The following ZNF451 variants were observed in gnomAD, a reference collection of about 807,000 sequenced individuals.
The protein encoded by ZNF451 is zinc finger protein 451.
A neutral mutation model predicts 107.1 loss-of-function variants in ZNF451; 80 were observed. That is an observed-to-expected ratio of 0.75 (90% CI 0.62 to 0.90). ZNF451 has a LOEUF of 0.90. Ranked by LOEUF, ZNF451 falls within the 40% of genes least tolerant of loss-of-function variation. The pLI, the probability that ZNF451 is intolerant of heterozygous loss-of-function variation, is 0.00. For missense variants in ZNF451, 1,107 were observed against 1,236.2 expected, an observed-to-expected ratio of 0.90 and a Z score of 1.57; for synonymous variants, 362 against 406.5, an observed-to-expected ratio of 0.89 and a Z score of 1.32.
At chr6:57,093,996 G>A (rs1397032953) in intron 2 of ZNF451, among the ~76,000 whole-genome samples, 1 of 152,186 alleles carries the variant, frequency 6.6e-6, no homozygotes, top group Non-Finnish European at 1.5e-5. Context: ...TAGGGTTTCA[G>A]ATTTATGCTC....
At chr6:57,144,177 T>C (rs1015627356) in intron 9 of ZNF451, among the ~76,000 whole-genome samples, 14 of 152,030 alleles carry the variant, frequency 9.2e-5, no homozygotes, top group Non-Finnish European at 1.3e-4. Context: ...GAAAAATAGT[T>C]GAAATTATAT....
At chr6:57,104,922 G>A in intron 3 of ZNF451, 5 of 985,280 alleles carry the variant, frequency 5.1e-6, no homozygotes, top group Non-Finnish European at 6.0e-6. Context: ...ATAGGGATGG[G>A]GACAGAATGC....
intron 2 of ZNF451, among the ~76,000 whole-genome samples, chr6:57,094,142 A>G (rs1380293095): frequency 6.6e-6 from 1 of 152,212 alleles, no homozygotes; most frequent in Non-Finnish European, 1.5e-5. Context: ...CAGTTTTCTC[A>G]TAACAGGAAT....
At chr6:57,102,007 T>TC in intron 3 of ZNF451, 1 of 1,550,454 alleles carries the variant, frequency 6.4e-7, no homozygotes, top group Non-Finnish European at 8.7e-7. Flanking sequence ...TAGAGGATAC[T>TC]CCAAAGGGGA....
chr6:57,137,480 A>C (rs1194029489), intron 7 of ZNF451, among the ~76,000 whole-genome samples: 1 of 152,156 alleles, frequency 6.6e-6, no homozygotes, highest in African/African-American at 2.4e-5. Flanking sequence ...CCTTAGATTC[A>C]TATTTCTAAC....
intron 9 of ZNF451, among the ~76,000 whole-genome samples, chr6:57,146,685 T>C (rs1402722558): frequency 6.6e-6 from 1 of 152,104 alleles, no homozygotes; most frequent in Admixed American, 6.6e-5. Context: ...GTATCAACAT[T>C]AATCAGTTAT....
At chr6:57,137,605 C>T (rs944907960) in intron 7 of ZNF451, among the ~76,000 whole-genome samples, 7 of 152,134 alleles carry the variant, frequency 4.6e-5, no homozygotes, top group African/African-American at 1.4e-4. Flanking sequence ...CCAGATAGCA[C>T]CCTGCTTTTC....
At chr6:57,166,708 T>G (rs990920870) in intron 14 of ZNF451, among the ~76,000 whole-genome samples, 3 of 152,252 alleles carry the variant, frequency 2.0e-5, no homozygotes, top group Non-Finnish European at 2.9e-5. Flanking sequence ...TCAAGTGTTA[T>G]GTACTGTACA....
At chr6:57,139,839 T>TA (rs1183165130) in intron 7 of ZNF451, among the ~76,000 whole-genome samples, 5 of 152,012 alleles carry the variant, frequency 3.3e-5, no homozygotes, top group Admixed American at 3.3e-4. Context: ...GTCCAGGAGT[T>TA]AGAGACGAGC....
At position 57,146,972 on chromosome 6, in the gene ZNF451, G is replaced by T. The variant is rs1015648218; in HGVS notation, c.1005-118G>T. The T allele has an allele frequency of 7.9e-6, 7 of 881,394 alleles. No individual in the cohort carries two copies. In the African/African-American group the frequency reaches 1.0e-4, roughly 13 times the overall value. The allele number at this position is 881,394 out of a possible 1,614,324, so 54.6% of individuals were successfully genotyped here. ...ATGTCATTTGCATCTTTATTGAAAA[G>T]TATCTTTTAGTGCTTATTTATACGT... is the stretch of plus-strand genomic sequence containing the variant. On this transcript the variant is annotated intron_variant, in intron 9 of 14. Transcript: ENST00000370706.
intron 3 of ZNF451, among the ~76,000 whole-genome samples, chr6:57,112,868 A>C (rs1302437587): frequency 6.6e-6 from 1 of 152,222 alleles, no homozygotes; most frequent in African/African-American, 2.4e-5. Context: ...GTGCTTTCTG[A>C]AATTAGTAAT....
In ZNF451 at chr6:57,128,676, C is replaced by A. The variant is rs1831040380; in HGVS notation, c.313-53C>A. On this transcript the variant is annotated intron_variant, in intron 4 of 14. Coordinates refer to ENST00000370706, the MANE Select transcript of ZNF451 (RefSeq NM_001031623.3). ...ATCACTAATGTGTCAAAATCCTTTTCTCAAGGAAAACAGGGTAGTAATCTT... is the reference window on the plus strand; with the variant it reads ...ATCACTAATGTGTCAAAATCCTTTTATCAAGGAAAACAGGGTAGTAATCTT... The A allele has an allele frequency of 3.1e-6, 4 of 1,270,056 alleles. No homozygotes were observed. In the South Asian group the frequency reaches 5.2e-5, roughly 17 times the overall value. The allele number at this position is 1,270,056 out of a possible 1,614,324, so 78.7% of individuals were successfully genotyped here. A position where few individuals can be genotyped will look rare whatever the true frequency, so the allele number is the denominator to read the frequency against.
intron 7 of ZNF451, among the ~76,000 whole-genome samples, chr6:57,138,731 A>ATGTGTGTG (rs1298715865): frequency 1.0e-3 from 117 of 112,766 alleles, no homozygotes; most frequent in Non-Finnish European, 1.5e-3. Context: ...ATATATATAT[A>ATGTGTGTG]TATATATATA....
intron 3 of ZNF451, among the ~76,000 whole-genome samples, chr6:57,118,696 C>T (rs1029924142): frequency 1.3e-4 from 20 of 152,050 alleles, no homozygotes; most frequent in African/African-American, 4.8e-4. Context: ...GTTAGCTGGG[C>T]TGGTCTCCAA....
intron 7 of ZNF451, 85 bp from the exon 8 acceptor site, chr6:57,141,217 A>G (rs2127974040): frequency 8.3e-7 from 1 of 1,200,378 alleles, no homozygotes. Flanking sequence ...CGAATAAACA[A>G]CAAATAGGAA....
chr6:57,137,979 C>T (rs1228534879), intron 7 of ZNF451, among the ~76,000 whole-genome samples: 2 of 152,198 alleles, frequency 1.3e-5, no homozygotes, highest in South Asian at 2.1e-4. Flanking sequence ...GGACATATGC[C>T]GCATTGTATT....
chr6:57,100,788 A>G lies in ZNF451; in HGVS notation c.186+1647A>G, dbSNP rs113785065. 256 of 1,549,280 alleles carry G rather than the reference A, an allele frequency of 1.7e-4. 3 individuals carry two copies. The African/African-American group carries it at 2.4e-3, about 14-fold the overall frequency. The stretch of plus-strand genomic sequence containing the variant: ...CATTGGAGAACCAGAAAAATGATCA[A>G]AATAATTCAGATACTAAGATCTCTG... On this transcript the variant is annotated intron_variant, in intron 3 of 14. Transcript: ENST00000370706.
chr6:57,102,275 C>T (rs747272325), intron 3 of ZNF451: 5 of 1,316,632 alleles, frequency 3.8e-6, no homozygotes, highest in Non-Finnish European at 4.8e-6. Context: ...AATAAAGAAA[C>T]TCATGACTTA....
At chr6:57,164,286 AC>A (rs1309812658) in intron 14 of ZNF451, among the ~76,000 whole-genome samples, 1 of 152,214 alleles carries the variant, frequency 6.6e-6, no homozygotes, top group East Asian at 1.9e-4. Context: ...AAGTCACTTA[AC>A]TTCACTGTGC....
Sources: allele counts gnomAD v4.1 joint callset (sites outside exome capture counted in the v4.1 genomes callset), GRCh38; gene constraint gnomAD v4.1.1; transcripts MANE v1.5; gene names NCBI Gene and HGNC (gene_info 2026-07-23, HGNC 2026-07-21).